CERS4: variants seen among roughly 807,000 people sequenced by gnomAD.
CERS4 encodes LAG1 homolog, ceramide synthase 4.
Under a neutral mutation model 51.8 loss-of-function variants are expected in CERS4, and 65 were observed. The ratio of observed to expected loss-of-function variants is 1.26; its 90% confidence interval spans 1.03 to 1.54. The LOEUF is 1.54. Ranked by LOEUF, CERS4 falls within the 40% of genes most tolerant of loss-of-function variation. CERS4 has a pLI of 0.00. For synonymous variants in CERS4, 228 were observed against 208.4 expected (o/e 1.09, Z -0.81); for missense variants, 563 against 500.4 (o/e 1.13, Z -1.19).
intron 2 of CERS4, among the ~76,000 whole-genome samples, chr19:8,244,918 G>A (rs1388783715): frequency 1.3e-5 from 2 of 151,954 alleles, no homozygotes; most frequent in Non-Finnish European, 2.9e-5. Context: ...GCCAAGACAG[G>A]TGGATCACGA....
chr19:8,256,170 A>T (rs376264995), intron 6 of CERS4, 66 bp from the exon 7 acceptor site: 1 of 1,511,138 alleles, frequency 6.6e-7, no homozygotes, highest in Non-Finnish European at 9.0e-7. Context: ...AACCAAAGAG[A>T]CCGCAGACCC....
intron 2 of CERS4, among the ~76,000 whole-genome samples, chr19:8,237,775 C>A (rs368009821): frequency 1.3e-5 from 2 of 151,932 alleles, no homozygotes; most frequent in East Asian, 1.9e-4. Context: ...GGCGTGAACC[C>A]GGGAGGTGGA....
intron 2 of CERS4, among the ~76,000 whole-genome samples, chr19:8,213,479 A>AT (rs1967162209): frequency 6.6e-6 from 1 of 151,978 alleles, no homozygotes; most frequent in South Asian, 2.1e-4. Context: ...TTAAAAAAAA[A>AT]TTTTATACAC....
chr19:8,240,609 TGTGTG>T (rs1293918745), intron 2 of CERS4: 2 of 152,460 alleles, frequency 1.3e-5, no homozygotes, highest in African/African-American at 4.9e-5. Context: ...TGTGTGTGTG[TGTGTG>T]TTTTCATCTC....
chr19:8,261,655 A>G, intron 10 of CERS4, 33 bp from the exon 11 acceptor site: 2 of 1,612,446 alleles, frequency 1.2e-6, no homozygotes, highest in Non-Finnish European at 1.7e-6. Context: ...CGGCTGGTCA[A>G]ACCCCAGCCT....
At chr19:8,244,073 C>A (rs11672652) in intron 2 of CERS4, among the ~76,000 whole-genome samples, 1 of 152,112 alleles carries the variant, frequency 6.6e-6, no homozygotes, top group Non-Finnish European at 1.5e-5. Context: ...ATGAAGAAGA[C>A]GGAGGCAGGA....
At chr19:8,221,130 AT>A (rs577339714) in intron 2 of CERS4, among the ~76,000 whole-genome samples, 20,843 of 133,614 alleles carry the variant, frequency 0.16, 1,538 homozygotes, top group African/African-American at 0.24. Flanking sequence ...CGGCCTGTGT[AT>A]TTTTTTTTTT....
At chr19:8,251,025 C>T (rs1048722881) in intron 2 of CERS4, 51 bp from the exon 3 acceptor site, 5 of 1,523,788 alleles carry the variant, frequency 3.3e-6, no homozygotes, top group African/African-American at 1.4e-5. Context: ...CCCACTTGCC[C>T]CACCCATTCT....
chr19:8,239,675 C>A (rs578248234), intron 2 of CERS4: 1 of 152,296 alleles, frequency 6.6e-6, no homozygotes, highest in Non-Finnish European at 1.5e-5. Context: ...TGCTTTGAGC[C>A]TTGGGCTTCC....
Position 8,261,960 on chromosome 19 carries a change from G to C in CERS4, c.1036G>C (p.Glu346Gln). The change falls in exon 12 of 12, where the codon GAA (glutamate) becomes CAA (glutamine). Residue 346 changes from glutamate to glutamine, a missense_variant. Glu to Gln is a conservative substitution (Grantham distance 29). Coordinates refer to ENST00000251363, the MANE Select transcript of CERS4 (RefSeq NM_024552.3). ...GAAGGACATTCGTAGTGATGTAGAA[G>C]AATCAGACTCCAGTGAGGAGGCGGC... ...MEKDIRSDVE[E>Q]SDSSEEAAAA... The C allele has an allele frequency of 6.2e-7, 1 of 1,605,698 alleles. No homozygotes were observed. The highest frequency in any genetic ancestry group is 8.5e-7 in the Non-Finnish European group (1 of 1,176,404).
chr19:8,227,051 CTGGGAGGTTGATGTTGCCG>C (rs1021215505), intron 2 of CERS4, among the ~76,000 whole-genome samples: 28 of 152,060 alleles, frequency 1.8e-4, no homozygotes, highest in African/African-American at 6.3e-4. Context: ...TTGCTTAAAC[CTGGGAGGTTGATGTTGCCG>C]TGAGCCAAGA....
chr19:8,260,675 T>C (rs1052516954), intron 10 of CERS4, among the ~76,000 whole-genome samples: 6 of 150,936 alleles, frequency 4.0e-5, no homozygotes, highest in Admixed American at 3.3e-4. Context: ...GAAGGCTGGG[T>C]GCGGCGGCTC....
intron 1 of CERS4, chr19:8,209,794 T>A (rs918779197): frequency 1.3e-5 from 2 of 152,186 alleles, no homozygotes; most frequent in Non-Finnish European, 2.9e-5. Flanking sequence ...TCCGGATGTG[T>A]GAGCCGGGGG....
chr19:8,256,208 G>C, intron 6 of CERS4, 28 bp from the exon 7 acceptor site: 1 of 1,603,540 alleles, frequency 6.2e-7, no homozygotes, highest in Non-Finnish European at 8.5e-7. Flanking sequence ...TCTCACCTCT[G>C]CACAGCCTGA....
At position 8,255,615 on chromosome 19, in the gene CERS4, G is replaced by A; in HGVS notation, c.300G>A (p.Leu100=). ...CATCACCCCCTCCCCAGCCCCAGCTGTCTCTCCTGGCCGCCCAGTGTGGCC... is the reference window on the plus strand; with the variant it reads ...CATCACCCCCTCCCCAGCCCCAGCTATCTCTCCTGGCCGCCCAGTGTGGCC... The part of the protein sequence containing the change: ...TEGHRPKEPQ[L]SLLAAQCGLT... The change falls in exon 5 of 12, where the codon CTG becomes CTA. Residue 100 remains leucine (L), a synonymous_variant. Transcript: ENST00000251363. The A allele has an allele frequency of 2.5e-6, 4 of 1,611,486 alleles. No homozygotes were observed. Among genetic ancestry groups the A allele is most frequent in the Non-Finnish European group, 3.4e-6 (4 of 1,179,612 alleles).
At chr19:8,244,416 C>A (rs1968668599) in intron 2 of CERS4, among the ~76,000 whole-genome samples, 1 of 152,190 alleles carries the variant, frequency 6.6e-6, no homozygotes, top group Non-Finnish European at 1.5e-5. Context: ...TAACTAAAAT[C>A]ATCATGATGT....
chr19:8,218,734 T>C (rs890745690), intron 2 of CERS4, among the ~76,000 whole-genome samples: 1 of 152,152 alleles, frequency 6.6e-6, no homozygotes, highest in Non-Finnish European at 1.5e-5. Context: ...TGAGAGGAAG[T>C]GCTTTGCCTC....
chr19:8,262,122 G>C lies in CERS4; in HGVS notation c.*13G>C, dbSNP rs1204365221. ...AACAGCCACATAGCCGGGCGGGGCT[G>C]GCTGTAAGGGGTTGCCCCCCCGCCA... On this transcript the variant is annotated 3_prime_UTR_variant, in exon 12 of 12. Coordinates refer to ENST00000251363, the MANE Select transcript of CERS4 (RefSeq NM_024552.3). The C allele has an allele frequency of 3.5e-6, 5 of 1,444,234 alleles. No individual in the cohort carries two copies. Among genetic ancestry groups the C allele is most frequent in the Non-Finnish European group, 3.6e-6 (4 of 1,100,964 alleles). 89.5% of individuals were successfully genotyped at this position (1,444,234 alleles called of 1,614,324 possible). A position where few individuals can be genotyped will look rare whatever the true frequency, so the allele number is the denominator to read the frequency against.
chr19:8,226,025 G>A (rs8103131), intron 2 of CERS4, among the ~76,000 whole-genome samples: 121,935 of 151,730 alleles, frequency 0.8, 49,047 homozygotes, highest in African/African-American at 0.85. Flanking sequence ...GTGAAACTCC[G>A]TCTCTACTAA....
Sources: allele counts gnomAD v4.1 joint callset (sites outside exome capture counted in the v4.1 genomes callset), GRCh38; gene constraint gnomAD v4.1.1; transcripts MANE v1.5; gene names NCBI Gene and HGNC (gene_info 2026-07-23, HGNC 2026-07-21).